Variants in TSHZ2 observed in about 807,000 individuals in gnomAD.
TSHZ2 encodes the protein teashirt homolog 2.
In TSHZ2, 21 loss-of-function variants were observed where a neutral mutation model predicts 74.4. That is an observed-to-expected ratio of 0.28 (90% confidence interval 0.20 to 0.41). The LOEUF (loss-of-function observed/expected upper bound fraction) is 0.41. Among genes scored for constraint, TSHZ2 ranks in the 10% least tolerant of loss-of-function variants. The pLI, the probability that TSHZ2 is intolerant of heterozygous loss-of-function variation, is 1.00. For missense variants in TSHZ2, 1,244 were observed against 1,293.5 expected (o/e 0.96, Z 0.59); for synonymous variants, 540 against 515.3 (o/e 1.05, Z -0.65).
intron 2 of TSHZ2, among the ~76,000 whole-genome samples, chr20:53,335,585 C>T (rs1979912414): frequency 6.6e-6 from 1 of 152,194 alleles, no homozygotes; most frequent in African/African-American, 2.4e-5. Context: ...TTTCCTTTTG[C>T]ATATCGGAAG....
At chr20:53,232,905 A>G (rs1271524970) in intron 1 of TSHZ2, among the ~76,000 whole-genome samples, 1 of 151,542 alleles carries the variant, frequency 6.6e-6, no homozygotes, top group African/African-American at 2.4e-5. Context: ...CACCACTGAG[A>G]AAAAAAAATG....
At chr20:53,408,596 G>A (rs1982930987) in intron 2 of TSHZ2, among the ~76,000 whole-genome samples, 1 of 151,360 alleles carries the variant, frequency 6.6e-6, no homozygotes, top group African/African-American at 2.5e-5. Context: ...TTCCAAATGA[G>A]TTGAGGCCAT....
At chr20:53,252,518 C>A (rs181343123) in intron 1 of TSHZ2, among the ~76,000 whole-genome samples, 2 of 152,366 alleles carry the variant, frequency 1.3e-5, no homozygotes, top group African/African-American at 4.8e-5. Context: ...CATTCCCCAT[C>A]TCCATTGATG....
intron 1 of TSHZ2, among the ~76,000 whole-genome samples, chr20:53,001,915 C>T (rs751315219): frequency 6.6e-6 from 1 of 152,076 alleles, no homozygotes; most frequent in Non-Finnish European, 1.5e-5. Flanking sequence ...TGATGGAGAA[C>T]GGACTAAAGA....
At chr20:53,317,782 C>G (rs2063539) in intron 2 of TSHZ2, among the ~76,000 whole-genome samples, 54,595 of 152,058 alleles carry the variant, frequency 0.36, 10,207 homozygotes, top group African/African-American at 0.45. Flanking sequence ...GATCAAAAAC[C>G]CTCTTTTTGC....
chr20:53,008,228 G>A (rs1019219752), intron 1 of TSHZ2, among the ~76,000 whole-genome samples: 1 of 152,192 alleles, frequency 6.6e-6, no homozygotes, highest in Non-Finnish European at 1.5e-5. Flanking sequence ...ATGGAAAGAG[G>A]AGAGAAGTAG....
At chr20:53,352,728 C>G (rs921314698) in intron 2 of TSHZ2, among the ~76,000 whole-genome samples, 4 of 147,070 alleles carry the variant, frequency 2.7e-5, no homozygotes, top group Non-Finnish European at 5.9e-5. Context: ...GAGCAGAGAT[C>G]GTGCCACTGC....
chr20:53,264,572 A>G (rs1362590834), intron 2 of TSHZ2, among the ~76,000 whole-genome samples: 1 of 152,258 alleles, frequency 6.6e-6, no homozygotes, highest in Non-Finnish European at 1.5e-5. Context: ...CAAAGGATGC[A>G]TGTCCAGAAT....
intron 1 of TSHZ2, among the ~76,000 whole-genome samples, chr20:52,977,925 C>G (rs1291411764): frequency 2.0e-5 from 3 of 152,174 alleles, no homozygotes; most frequent in African/African-American, 7.2e-5. Flanking sequence ...AAACATTCCT[C>G]AGAAACAGTC....
chr20:53,356,269 G>C (rs1980844282), intron 2 of TSHZ2, among the ~76,000 whole-genome samples: 2 of 152,118 alleles, frequency 1.3e-5, no homozygotes, highest in Non-Finnish European at 2.9e-5. Flanking sequence ...AGGAAAGTGA[G>C]ATACAAAATA....
intron 2 of TSHZ2, among the ~76,000 whole-genome samples, chr20:53,305,845 G>A (rs936811152): frequency 4.6e-5 from 7 of 152,220 alleles, no homozygotes; most frequent in South Asian, 4.1e-4. Flanking sequence ...AGGCATGGCG[G>A]TGTGCACCTG....
At chr20:53,258,422 A>G (rs1358591058) in intron 2 of TSHZ2, among the ~76,000 whole-genome samples, 2 of 152,246 alleles carry the variant, frequency 1.3e-5, no homozygotes, top group South Asian at 2.1e-4. Flanking sequence ...TTCAAATCCA[A>G]TAGTGGTGGG....
At chr20:53,482,887 C>T (rs6068561) in intron 2 of TSHZ2, among the ~76,000 whole-genome samples, 53,096 of 151,836 alleles carry the variant, frequency 0.35, 9,464 homozygotes, top group Admixed American at 0.36. Flanking sequence ...GCCGGGGCAA[C>T]AGAGTGAGAC....
At chr20:53,188,442 G>A (rs1988654078) in intron 1 of TSHZ2, among the ~76,000 whole-genome samples, 1 of 152,158 alleles carries the variant, frequency 6.6e-6, no homozygotes, top group African/African-American at 2.4e-5. Flanking sequence ...TTGTTTCCTG[G>A]AGCCTGCTCT....
Position 53,468,688 on chromosome 20 carries a change from CAA to C in TSHZ2, c.*9-18436_*9-18435del, listed in dbSNP as rs1158529552. On this transcript the variant is annotated intron_variant, in intron 2 of 2. Transcript: ENST00000371497. Reference sequence around the variant, plus strand: ...AGATTCTCTGGCATCCATTACGAGACAAAAAAAAAAAAAAAAAAAAACTAAAA... The same window carrying C: ...AGATTCTCTGGCATCCATTACGAGACAAAAAAAAAAAAAAAAAAACTAAAA... Among the ~76,000 whole-genome samples the C allele has an allele frequency of 2.3e-4, 15 of 65,398 alleles. 1 individual carries two copies. Among genetic ancestry groups the C allele is most frequent in the Admixed American group, 2.3e-3 (11 of 4,830 alleles). The allele number at this position is 65,398 out of a possible 152,430, so 42.9% of individuals were successfully genotyped here.
intron 1 of TSHZ2, among the ~76,000 whole-genome samples, chr20:53,209,142 T>A (rs141567441): frequency 6.6e-6 from 1 of 152,294 alleles, no homozygotes; most frequent in East Asian, 1.9e-4. Flanking sequence ...TCACCCAGGC[T>A]AGAATGCAGT....
At chr20:53,425,502 C>T (rs1237376574) in intron 2 of TSHZ2, among the ~76,000 whole-genome samples, 2 of 152,286 alleles carry the variant, frequency 1.3e-5, no homozygotes, top group East Asian at 3.9e-4. Flanking sequence ...TGCGTCTTCA[C>T]GGGTGTATAT....
intron 2 of TSHZ2, among the ~76,000 whole-genome samples, chr20:53,305,998 T>C (rs1978527646): frequency 6.6e-6 from 1 of 150,682 alleles, no homozygotes; most frequent in African/African-American, 2.4e-5. Flanking sequence ...AAAATACGTT[T>C]GGCTGCAAGT....
intron 1 of TSHZ2, among the ~76,000 whole-genome samples, chr20:53,047,268 A>G (rs1984261750): frequency 6.6e-6 from 1 of 152,350 alleles, no homozygotes; most frequent in African/African-American, 2.4e-5. Context: ...TCTGTCTTAT[A>G]TAAAGGTCTG....
Sources: allele counts gnomAD v4.1 joint callset (sites outside exome capture counted in the v4.1 genomes callset), GRCh38; gene constraint gnomAD v4.1.1; transcripts MANE v1.5; gene names NCBI Gene and HGNC (gene_info 2026-07-23, HGNC 2026-07-21).